The following AFG1L variants were observed in gnomAD, a reference collection of about 807,000 sequenced individuals.
AFG1L encodes AFG1 like ATPase, also known as AFG1-like ATPase.
Under a neutral mutation model 62.2 loss-of-function variants are expected in AFG1L, and 53 were observed. The observed-to-expected ratio is 0.85, with a 90% CI of 0.68 to 1.07. The LOEUF (loss-of-function observed/expected upper bound fraction) is 1.07, where lower values mean the gene tolerates loss of function less well. Ranked by LOEUF, AFG1L falls within the 50% of genes least tolerant of loss-of-function variation. The pLI, the probability that AFG1L is intolerant of heterozygous loss-of-function variation, is 0.00. For missense variants in AFG1L, 555 were observed against 590.5 expected (o/e 0.94, Z 0.62); for synonymous variants, 228 against 210.3 (o/e 1.08, Z -0.73).
chr6:108,400,048 G>C (rs1781500602), intron 6 of AFG1L, among the ~76,000 whole-genome samples: 1 of 152,072 alleles, frequency 6.6e-6, no homozygotes, highest in Non-Finnish European at 1.5e-5. Flanking sequence ...CAAAGTGCTA[G>C]GATTACAGGT....
chr6:108,401,255 G>C (rs1014702721), intron 6 of AFG1L, among the ~76,000 whole-genome samples: 2 of 150,526 alleles, frequency 1.3e-5, no homozygotes, highest in Non-Finnish European at 2.9e-5. Flanking sequence ...CCATTCTCCT[G>C]CCTCAGCCTC....
rs1480604895 is a variant in AFG1L at position 108,389,076 on chromosome 6, A to G, written c.749-12920A>G. Among the ~76,000 whole-genome samples the G allele has an allele frequency of 7.2e-5, 11 of 152,246 alleles. No individual in the cohort carries two copies. In the East Asian group the frequency reaches 1.5e-3, roughly 21 times the overall value. ...CTGGGTGCTCCTGTATTGGGTGCAT[A>G]TATATTTAGGAGAGTTAGCTCTTCC... On this transcript the variant is annotated intron_variant, in intron 6 of 12. Transcript: ENST00000368977.
intron 10 of AFG1L, among the ~76,000 whole-genome samples, chr6:108,505,154 G>T (rs12211704): frequency 0.38 from 56,955 of 149,582 alleles, 11,309 homozygotes; most frequent in Middle Eastern, 0.45. Flanking sequence ...GAGTACAATG[G>T]CACGATCTCA....
At chr6:108,470,976 A>G (rs1217724878) in intron 8 of AFG1L, among the ~76,000 whole-genome samples, 3 of 152,162 alleles carry the variant, frequency 2.0e-5, no homozygotes, top group Non-Finnish European at 2.9e-5. Context: ...TGCAGAGCTC[A>G]TTGTATGTAT....
chr6:108,347,145 A>T lies in AFG1L; in HGVS notation c.415+106A>T, dbSNP rs1374316294. ...CCCTCAATCTGTTACCAGCAAGGGA[A>T]TAGGATGAGGCAGGGTAAGGTAGGG... On this transcript the variant is annotated intron_variant, in intron 3 of 12. Coordinates refer to ENST00000368977, the MANE Select transcript of AFG1L (RefSeq NM_145315.5). 6 of 961,798 alleles carry T rather than the reference A, an allele frequency of 6.2e-6. No individual in the cohort carries two copies. The Admixed American group carries it at 1.1e-4, about 18-fold the overall frequency. The allele number at this position is 961,798 out of a possible 1,614,324, so 59.6% of individuals were successfully genotyped here.
At chr6:108,404,984 C>T (rs1404324380) in intron 7 of AFG1L, among the ~76,000 whole-genome samples, 5 of 152,096 alleles carry the variant, frequency 3.3e-5, no homozygotes, top group Non-Finnish European at 5.9e-5. Context: ...CCTGCCTTGG[C>T]CTCCCAAAGT....
At chr6:108,349,146 G>A (rs570598483) in intron 3 of AFG1L, among the ~76,000 whole-genome samples, 52 of 152,196 alleles carry the variant, frequency 3.4e-4, no homozygotes, top group African/African-American at 1.1e-3. Context: ...GAAGTGAGAC[G>A]AACATTTTGG....
intron 1 of AFG1L, among the ~76,000 whole-genome samples, chr6:108,296,966 A>G (rs1447274790): frequency 1.3e-5 from 2 of 152,214 alleles, no homozygotes; most frequent in East Asian, 1.9e-4. Context: ...AGGCTGTGCT[A>G]TTAATCTATA....
chr6:108,406,051 T>C (rs1781838614), intron 7 of AFG1L, among the ~76,000 whole-genome samples: 1 of 152,238 alleles, frequency 6.6e-6, no homozygotes, highest in Non-Finnish European at 1.5e-5. Flanking sequence ...ATTTGGGTTG[T>C]TTCTACCTTT....
intron 6 of AFG1L, among the ~76,000 whole-genome samples, chr6:108,379,066 A>G (rs1351228440): frequency 6.9e-6 from 1 of 144,278 alleles, no homozygotes; most frequent in Admixed American, 7.1e-5. Context: ...TGCAGAGTGC[A>G]GTGGCCTGAT....
chr6:108,510,177 AT>A (rs1372583685), intron 10 of AFG1L, 34 bp from the exon 11 acceptor site: 10 of 1,555,014 alleles, frequency 6.4e-6, no homozygotes, highest in Non-Finnish European at 8.7e-6. Context: ...GAATTGGTTT[AT>A]TTTTAAGTTT....
intron 5 of AFG1L, among the ~76,000 whole-genome samples, chr6:108,363,015 A>T (rs147724230): frequency 2.0e-5 from 3 of 152,280 alleles, no homozygotes; most frequent in Non-Finnish European, 4.4e-5. Context: ...GCTAGTTATT[A>T]TTGGCCTTTA....
intron 7 of AFG1L, among the ~76,000 whole-genome samples, chr6:108,402,479 A>G (rs1478219628): frequency 9.9e-5 from 15 of 151,216 alleles, no homozygotes; most frequent in African/African-American, 1.7e-4. Flanking sequence ...AAAAAAAAAA[A>G]AAAAAAAAAA....
intron 8 of AFG1L, among the ~76,000 whole-genome samples, chr6:108,451,960 C>T (rs1474196153): frequency 6.6e-6 from 1 of 152,140 alleles, no homozygotes; most frequent in African/African-American, 2.4e-5. Flanking sequence ...GGTGATCCAT[C>T]CGCCTCAGCC....
intron 8 of AFG1L, among the ~76,000 whole-genome samples, chr6:108,467,632 C>A (rs2114793271): frequency 6.6e-6 from 1 of 152,252 alleles, no homozygotes; most frequent in East Asian, 1.9e-4. Flanking sequence ...AGGTAGAGAT[C>A]ACTTTTACAT....
chr6:108,522,165 TG>T (rs1214582211), intron 12 of AFG1L, 131 bp from the exon 13 acceptor site: 13 of 686,956 alleles, frequency 1.9e-5, no homozygotes, highest in Non-Finnish European at 2.8e-5. Context: ...AGATTGTATA[TG>T]GAAAAAAAAA....
At chr6:108,512,652 G>C in intron 11 of AFG1L, among the ~76,000 whole-genome samples, 1 of 152,128 alleles carries the variant, frequency 6.6e-6, no homozygotes, top group East Asian at 1.9e-4. Context: ...CTTACAGAAA[G>C]CTTATGGTCC....
intron 6 of AFG1L, among the ~76,000 whole-genome samples, chr6:108,378,310 T>G (rs1259492017): frequency 2.0e-5 from 3 of 151,888 alleles, no homozygotes; most frequent in East Asian, 1.9e-4. Context: ...GAAGTTGTTT[T>G]TTTGTTTGTT....
intron 8 of AFG1L, among the ~76,000 whole-genome samples, chr6:108,471,676 G>C (rs1204127769): frequency 6.6e-6 from 1 of 151,846 alleles, no homozygotes; most frequent in Admixed American, 6.6e-5. Context: ...GGCCAGGTTG[G>C]TCTTGAACTC....
Sources: allele counts gnomAD v4.1 joint callset (sites outside exome capture counted in the v4.1 genomes callset), GRCh38; gene constraint gnomAD v4.1.1; transcripts MANE v1.5; gene names NCBI Gene and HGNC (gene_info 2026-07-23, HGNC 2026-07-21).